The following SGSH variants were observed in gnomAD, a reference collection of about 807,000 sequenced individuals.
SGSH encodes the protein N-sulfoglucosamine sulfohydrolase, also known as heparan sulfate sulfatase.
Under a neutral mutation model 51.0 loss-of-function variants are expected in SGSH, and 48 were observed. The ratio of observed to expected loss-of-function variants is 0.94; its 90% CI spans 0.75 to 1.20. The LOEUF (loss-of-function observed/expected upper bound fraction) is 1.20, where lower values mean the gene tolerates loss of function less well. Among genes scored for constraint, SGSH ranks in the 50% most tolerant of loss-of-function variants. The pLI, the probability that SGSH is intolerant of heterozygous loss-of-function variation, is 0.00. For synonymous variants in SGSH, 321 were observed against 313.4 expected, an observed-to-expected ratio of 1.02 and a Z score of -0.26; for missense variants, 662 against 717.8, an observed-to-expected ratio of 0.92 and a Z score of 0.89.
At chr17:80,201,829 T>C, downstream of SGSH, 2 of 1,613,790 alleles carry the variant, frequency 1.2e-6, no homozygotes, top group African/African-American at 1.3e-5. The surrounding 1 kb of genome is among the most constrained non-coding windows in gnomAD (Gnocchi z 5.0). Context: ...CTCAGGAGGG[T>C]GGACGGCTTC....
intron 2 of SGSH, chr17:80,216,703 T>G: frequency 2.7e-6 from 1 of 370,266 alleles, no homozygotes; most frequent in Non-Finnish European, 5.1e-6. Flanking sequence ...TCGCACTAAG[T>G]GTTTACATAC....
At chr17:80,215,386 G>A (rs1358583295) in intron 2 of SGSH, among the ~76,000 whole-genome samples, 1 of 152,276 alleles carries the variant, frequency 6.6e-6, no homozygotes, top group Non-Finnish European at 1.5e-5. Flanking sequence ...CGACACGAGG[G>A]TGGCCTTGAT....
rs1453838397 is a variant in SGSH at position 80,214,627 on chromosome 17, G to C, written c.494C>G (p.Thr165Ser). ...IKLLVRKFLQTQDDRPFFLYV... is the reference protein window; with the variant it reads ...IKLLVRKFLQSQDDRPFFLYV... ...CCCCGACTCATACCGGTCATCCTGAGTCTGCAGGAATTTCCGGACGAGCAG... is the reference window on the plus strand; with the variant it reads ...CCCCGACTCATACCGGTCATCCTGACTCTGCAGGAATTTCCGGACGAGCAG... Residue 165 changes from threonine to serine, a missense_variant, in exon 4 of 8, where the codon ACT becomes AGT. Coordinates refer to ENST00000326317, the MANE Select transcript of SGSH (RefSeq NM_000199.5). The C allele has an allele frequency of 6.2e-7, 1 of 1,613,184 alleles. No homozygotes were observed. The highest frequency in any genetic ancestry group is 8.5e-7 in the Non-Finnish European group (1 of 1,179,882).
At chr17:80,205,909 C>T (rs1398650144), downstream of SGSH, 6 of 385,340 alleles carry the variant, frequency 1.6e-5, no homozygotes, top group Non-Finnish European at 2.3e-5. Flanking sequence ...GATATTTGTT[C>T]GAGAATGAAT....
chr17:80,204,952 C>T (rs375538234), downstream of SGSH: 17 of 1,244,300 alleles, frequency 1.4e-5, no homozygotes, highest in African/African-American at 2.1e-4. Flanking sequence ...GTGAGCAAAG[C>T]AGACCCAGTC....
chr17:80,215,054 T>C lies in SGSH; in HGVS notation c.334A>G (p.Ser112Gly). The change falls in exon 3 of 8, where the codon AGC becomes GGC. Residue 112 changes from serine (S) to glycine (G), a missense_variant. Ser to Gly is a moderately conservative substitution (Grantham distance 56). Coordinates refer to ENST00000326317, the MANE Select transcript of SGSH (RefSeq NM_000199.5). The stretch of plus-strand genomic sequence containing the variant: ...TCACCTGTGCGCACACCAGCTTGGC[T>C]GAGCAGCAGCGGCAGGCTCCGCACC... ...DKVRSLPLLL[S>G]QAGVRTGIIG... The C allele has an allele frequency of 6.2e-7, 1 of 1,611,722 alleles. No homozygotes were observed. The highest frequency in any genetic ancestry group is 8.5e-7 in the Non-Finnish European group (1 of 1,179,878).
Position 80,209,505 on chromosome 17 carries a change from A to G in SGSH, c.*947T>C. 4 of 985,428 alleles carry G rather than the reference A, an allele frequency of 4.1e-6. No homozygotes were observed. The highest frequency in any genetic ancestry group is 4.8e-6 in the Non-Finnish European group (4 of 830,072). 61.0% of individuals were successfully genotyped at this position (985,428 alleles called of 1,614,324 possible). A position where few individuals can be genotyped will look rare whatever the true frequency, so the allele number is the denominator to read the frequency against. Reference sequence around the variant, plus strand: ...GGTGGAGGCAGGGCAGGAACGGCACATTCTCCCAGCAACGCCGACGTCATC... The same window carrying G: ...GGTGGAGGCAGGGCAGGAACGGCACGTTCTCCCAGCAACGCCGACGTCATC... On this transcript the variant is annotated 3_prime_UTR_variant, in exon 8 of 8. Coordinates refer to ENST00000326317, the MANE Select transcript of SGSH (RefSeq NM_000199.5).
downstream of SGSH, chr17:80,205,720 G>C (rs939144145): frequency 4.1e-6 from 6 of 1,460,458 alleles, no homozygotes; most frequent in African/African-American, 7.1e-5. Context: ...AGAGGAGGGG[G>C]ATGAGATAAA....
At chr17:80,207,993 G>A, downstream of SGSH, 4 of 558,460 alleles carry the variant, frequency 7.2e-6, no homozygotes, top group Non-Finnish European at 1.2e-5. Context: ...ACTGGGGCCT[G>A]GGGCCTATTT....
downstream of SGSH, chr17:80,202,330 T>G (rs374509148): frequency 6.2e-7 from 1 of 1,613,590 alleles, no homozygotes; most frequent in South Asian, 1.1e-5. Context: ...GACACCATGT[T>G]CCAGGGCTGC....
rs548343051 is a variant in SGSH at position 80,219,124 on chromosome 17, T to C, written c.88+1102A>G. 2.4e-5 allele frequency among the ~76,000 whole-genome samples: 3 copies of C among 123,698 alleles called. No homozygotes were observed. In the East Asian group the frequency reaches 7.4e-4, roughly 30 times the overall value. The allele number at this position is 123,698 out of a possible 152,430, so 81.2% of individuals were successfully genotyped here. The stretch of plus-strand genomic sequence containing the variant: ...GCAGTGAGCTGTGATTGTGCTACTG[T>C]GCTCCAGCCTGGGTGACAGAGTGAG... On this transcript the variant is annotated intron_variant, in intron 1 of 7. Coordinates refer to ENST00000326317, the MANE Select transcript of SGSH (RefSeq NM_000199.5).
chr17:80,219,251 AAC>A (rs1289156184), intron 1 of SGSH, among the ~76,000 whole-genome samples: 1 of 152,072 alleles, frequency 6.6e-6, no homozygotes, highest in Non-Finnish European at 1.5e-5. Context: ...CATGTGAGGA[AAC>A]AGTGAGAGGG....
At chr17:80,205,454 CAG>C (rs145562981), downstream of SGSH, 2,692 of 1,536,042 alleles carry the variant, frequency 1.8e-3, 23 homozygotes, top group African/African-American at 0.018. Context: ...TTCACGGGGA[CAG>C]GGGTGTTTAC....
downstream of SGSH, chr17:80,205,553 T>C: frequency 6.3e-7 from 1 of 1,585,150 alleles, no homozygotes; most frequent in Non-Finnish European, 8.6e-7. Context: ...AGGAGGAGTA[T>C]GAGGCCTGGA....
At chr17:80,203,550 G>A, downstream of SGSH, 2 of 427,056 alleles carry the variant, frequency 4.7e-6, no homozygotes, top group Non-Finnish European at 4.2e-6. The surrounding 1 kb of genome is among the most constrained non-coding windows in gnomAD (Gnocchi z 4.6). Context: ...TACGCTGGCT[G>A]CTCAACAGCA....
In SGSH at chr17:80,212,037, A is replaced by G. The variant is rs745626948; in HGVS notation, c.949+34T>C. 1.3e-6 allele frequency: 2 copies of G among 1,591,042 alleles called. No individual in the cohort carries two copies. The highest frequency in any genetic ancestry group is 3.3e-5 in the Admixed American group (2 of 59,902). On this transcript the variant is annotated intron_variant, in intron 7 of 7. Coordinates refer to ENST00000326317, the MANE Select transcript of SGSH (RefSeq NM_000199.5). The surrounding 1 kb of genome is among the most constrained non-coding windows in gnomAD (Gnocchi z 5.9). ...ATGGCCCCGTCCCAGATCCACTCCC[A>G]CACCTTTCCTGACGGAGACAGACAA...
Position 80,214,288 on chromosome 17 carries a change from A to G in SGSH, c.547T>C (p.Cys183Arg). The G allele has an allele frequency of 6.2e-7, 1 of 1,613,222 alleles. No homozygotes were observed. The highest frequency in any genetic ancestry group is 8.5e-7 in the Non-Finnish European group (1 of 1,180,006). ...CCGTACTGGGGCTGGGAGTGCCCAC[A>G]GCGGTGGGGGTCGTGGAAGGCGACG... The part of the protein sequence containing the change: ...LYVAFHDPHR[C>R]GHSQPQYGTF... Residue 183 changes from cysteine to arginine, a missense_variant, in exon 5 of 8, where the codon TGT (cysteine) becomes CGT (arginine). Coordinates refer to ENST00000326317, the MANE Select transcript of SGSH (RefSeq NM_000199.5).
rs2041781807 is a variant in SGSH at position 80,213,983 on chromosome 17, A to G, written c.664-98T>C. ...GCCTCCTGCAAATGGGTTAGCCCAG[A>G]ACAGCCTCACTCCGGACCACCCCGT... On this transcript the variant is annotated intron_variant, in intron 5 of 7. Transcript: ENST00000326317. This position sits in a 1 kb window ranked among gnomAD's most constrained non-coding sequence, Gnocchi z 4.6. 1 of 1,353,554 alleles carries G rather than the reference A, an allele frequency of 7.4e-7. No individual in the cohort carries two copies. Among genetic ancestry groups the G allele is most frequent in the Non-Finnish European group, 1.0e-6 (1 of 975,088 alleles). 83.8% of individuals were successfully genotyped at this position (1,353,554 alleles called of 1,614,324 possible). A position where few individuals can be genotyped will look rare whatever the true frequency, so the allele number is the denominator to read the frequency against.
downstream of SGSH, chr17:80,208,281 G>A (rs370253085): frequency 3.1e-6 from 5 of 1,599,962 alleles, no homozygotes; most frequent in African/African-American, 2.7e-5. Flanking sequence ...CTGCTCAGCT[G>A]TGTCCGCCAG....
Sources: gnomAD v4.1 joint callset for allele counts (sites outside exome capture counted in the v4.1 genomes callset) on GRCh38, gnomAD v4.1.1 for gene constraint, Gnocchi (gnomAD v3.1) non-coding constraint, MANE v1.5 for transcripts, NCBI Gene and HGNC (gene_info 2026-07-23, HGNC 2026-07-21) for gene names.